Variants in ZNF385D observed in about 807,000 individuals in gnomAD.
The protein encoded by ZNF385D is zinc finger protein 385D, also known as zinc finger protein 659.
Under a neutral mutation model 35.8 loss-of-function variants are expected in ZNF385D, and 15 were observed. That is an observed-to-expected ratio of 0.42 (90% CI 0.28 to 0.64). The LOEUF is 0.64. ZNF385D is among the 30% of genes least tolerant of loss of function. The pLI, the probability that ZNF385D is intolerant of heterozygous loss-of-function variation, is 0.23. For missense variants in ZNF385D, 474 were observed against 494.6 expected (o/e 0.96, Z 0.39); for synonymous variants, 212 against 186.8 (o/e 1.13, Z -1.10).
intron 2 of ZNF385D, among the ~76,000 whole-genome samples, chr3:22,347,831 A>G (rs1444541296): frequency 6.6e-6 from 1 of 152,204 alleles, no homozygotes. Flanking sequence ...AATTTTGCAT[A>G]TAAATTAAGA....
intron 5 of ZNF385D, chr3:21,430,899 A>G (rs1450395876): frequency 1.3e-5 from 2 of 152,210 alleles, no homozygotes; most frequent in Non-Finnish European, 2.9e-5. Flanking sequence ...ATGCTGTCTT[A>G]TTTATAAAAA....
chr3:22,194,599 C>T (rs1696280411), intron 2 of ZNF385D, among the ~76,000 whole-genome samples: 1 of 151,804 alleles, frequency 6.6e-6, no homozygotes, highest in Admixed American at 6.6e-5. Flanking sequence ...TGTGTAATCA[C>T]CAATAAAATC....
intron 3 of ZNF385D, among the ~76,000 whole-genome samples, chr3:21,934,389 T>C (rs1454745113): frequency 2.0e-5 from 3 of 152,194 alleles, no homozygotes; most frequent in East Asian, 1.9e-4. Context: ...TAACTTTCAA[T>C]AGATTCTTTA....
At chr3:22,164,661 T>A (rs1300702582) in intron 3 of ZNF385D, among the ~76,000 whole-genome samples, 2 of 151,610 alleles carry the variant, frequency 1.3e-5, no homozygotes, top group African/African-American at 4.9e-5. Context: ...CTGGAAAAAG[T>A]CATCTCAAGT....
At chr3:22,217,786 A>G (rs1049038543) in intron 2 of ZNF385D, among the ~76,000 whole-genome samples, 3 of 152,246 alleles carry the variant, frequency 2.0e-5, no homozygotes, top group African/African-American at 7.2e-5. Context: ...ATTTCAAGCT[A>G]ACTTATGTGT....
chr3:22,153,336 G>C (rs1013289885), intron 3 of ZNF385D, among the ~76,000 whole-genome samples: 3 of 152,052 alleles, frequency 2.0e-5, no homozygotes, highest in African/African-American at 7.2e-5. Flanking sequence ...TGTCCACAGA[G>C]CCAGATCCTC....
intron 2 of ZNF385D, among the ~76,000 whole-genome samples, chr3:22,231,602 C>G (rs1237817265): frequency 6.6e-6 from 1 of 152,088 alleles, no homozygotes; most frequent in African/African-American, 2.4e-5. Context: ...TTACCTCTTC[C>G]CTTCCTTATT....
At chr3:22,253,716 G>A (rs980100612) in intron 2 of ZNF385D, among the ~76,000 whole-genome samples, 1 of 151,826 alleles carries the variant, frequency 6.6e-6, no homozygotes, top group Non-Finnish European at 1.5e-5. Flanking sequence ...AGAATGATTA[G>A]ATAAGAATAA....
At chr3:21,660,588 T>C (rs779485469) in intron 2 of ZNF385D, among the ~76,000 whole-genome samples, 1 of 152,154 alleles carries the variant, frequency 6.6e-6, no homozygotes, top group African/African-American at 2.4e-5. Flanking sequence ...AGAAAATACA[T>C]ATGTTAGAGA....
chr3:21,421,711 T>C (rs1700748107), intron 7 of ZNF385D, among the ~76,000 whole-genome samples: 1 of 152,340 alleles, frequency 6.6e-6, no homozygotes, highest in South Asian at 2.1e-4. Flanking sequence ...ATTATATGTT[T>C]GTTGAAAATT....
At chr3:22,039,840 C>CAT (rs1698558061) in intron 3 of ZNF385D, among the ~76,000 whole-genome samples, 1 of 152,138 alleles carries the variant, frequency 6.6e-6, no homozygotes, top group Non-Finnish European at 1.5e-5. Flanking sequence ...TACCACTCTT[C>CAT]ATCCTTTTCC....
chr3:22,017,802 T>C (rs1180738690), intron 3 of ZNF385D, among the ~76,000 whole-genome samples: 1 of 151,964 alleles, frequency 6.6e-6, no homozygotes, highest in Non-Finnish European at 1.5e-5. Context: ...GCCCAAATTA[T>C]TTTATATTTT....
At chr3:22,171,400 A>G (rs1023099934) in intron 2 of ZNF385D, among the ~76,000 whole-genome samples, 5 of 152,248 alleles carry the variant, frequency 3.3e-5, no homozygotes, top group Non-Finnish European at 4.4e-5. Flanking sequence ...TTATTTGCTT[A>G]CACATGAGAA....
intron 3 of ZNF385D, among the ~76,000 whole-genome samples, chr3:21,530,746 C>T (rs867264766): frequency 6.6e-6 from 1 of 152,004 alleles, no homozygotes; most frequent in Non-Finnish European, 1.5e-5. Context: ...TCTAACAGTA[C>T]CCATCACTGC....
chr3:22,341,872 T>C (rs1290213795), intron 2 of ZNF385D, among the ~76,000 whole-genome samples: 2 of 152,218 alleles, frequency 1.3e-5, no homozygotes, highest in Non-Finnish European at 2.9e-5. Flanking sequence ...GCCAGGCACA[T>C]AGTAGGTGCT....
chr3:21,989,801 G>T (rs1177469779), intron 3 of ZNF385D, among the ~76,000 whole-genome samples: 1 of 152,168 alleles, frequency 6.6e-6, no homozygotes, highest in Non-Finnish European at 1.5e-5. Flanking sequence ...TTATATTCTT[G>T]ATAACTTACT....
intron 2 of ZNF385D, among the ~76,000 whole-genome samples, chr3:21,591,629 A>G (rs1263441226): frequency 1.3e-5 from 2 of 152,164 alleles, no homozygotes; most frequent in Non-Finnish European, 2.9e-5. Context: ...CATGCAATAC[A>G]TTTAGTATGT....
At chr3:22,113,523 A>G (rs1451513861) in intron 3 of ZNF385D, among the ~76,000 whole-genome samples, 2 of 152,120 alleles carry the variant, frequency 1.3e-5, no homozygotes, top group Non-Finnish European at 2.9e-5. Flanking sequence ...TATAATAAAC[A>G]TATTTGTGTA....
intron 2 of ZNF385D, among the ~76,000 whole-genome samples, chr3:22,184,516 G>A (rs927383825): frequency 1.3e-5 from 2 of 152,040 alleles, no homozygotes; most frequent in East Asian, 1.9e-4. Context: ...AAGACTTGAT[G>A]GTACTAGATT....
Sources: allele counts gnomAD v4.1 joint callset (sites outside exome capture counted in the v4.1 genomes callset), GRCh38; gene constraint gnomAD v4.1.1; transcripts MANE v1.5; gene names NCBI Gene and HGNC (gene_info 2026-07-23, HGNC 2026-07-21).